The following FCER1G variants were observed in gnomAD, a reference collection of about 807,000 sequenced individuals.
The protein encoded by FCER1G is high affinity immunoglobulin epsilon receptor subunit gamma.
Under a neutral mutation model 17.3 loss-of-function variants are expected in FCER1G, and 7 were observed. The observed-to-expected ratio is 0.40, with a 90% CI of 0.23 to 0.76. The LOEUF (loss-of-function observed/expected upper bound fraction) is 0.76. Ranked by LOEUF, FCER1G falls within the 30% of genes least tolerant of loss-of-function variation. The pLI is 0.35. For synonymous variants in FCER1G, 35 were observed against 38.7 expected, an observed-to-expected ratio of 0.90 and a Z score of 0.35; for missense variants, 87 against 97.7, an observed-to-expected ratio of 0.89 and a Z score of 0.46.
intron 4 of FCER1G, 32 bp from the exon 5 acceptor site, chr1:161,218,849 G>C: frequency 6.2e-7 from 1 of 1,605,162 alleles, no homozygotes; most frequent in Non-Finnish European, 8.5e-7. Context: ...ATGGACTCCA[G>C]CTCCTGATCG....
intron 1 of FCER1G, among the ~76,000 whole-genome samples, chr1:161,217,460 G>T (rs1441012541): frequency 6.6e-6 from 1 of 150,878 alleles, no homozygotes; most frequent in African/African-American, 2.4e-5. Context: ...CTGAGGCTAG[G>T]AGATGACCAA....
rs1382843700 is a variant in FCER1G, at chr1:161,216,362, AC to A, written c.49+993del. 1.4e-3 allele frequency among the ~76,000 whole-genome samples: 195 copies of A among 138,696 alleles called. No individual in the cohort carries two copies. In the Middle Eastern group the frequency reaches 0.018, roughly 13 times the overall value. 91.0% of individuals were successfully genotyped at this position (138,696 alleles called of 152,430 possible). On this transcript the variant is annotated intron_variant, in intron 1 of 4. Coordinates refer to ENST00000289902, the MANE Select transcript of FCER1G (RefSeq NM_004106.2). ...TATATCTCTATCTATCTATCTATAT[AC>A]ACACACACACACATACACACACACA...
intron 1 of FCER1G, among the ~76,000 whole-genome samples, chr1:161,217,603 C>T (rs575667096): frequency 6.6e-6 from 1 of 152,208 alleles, no homozygotes; most frequent in African/African-American, 2.4e-5. Context: ...CTCTCCCTCC[C>T]ACTACCCATC....
chr1:161,218,161 G>A, intron 2 of FCER1G, 80 bp from the exon 3 acceptor site: 1 of 1,534,426 alleles, frequency 6.5e-7, no homozygotes, highest in African/African-American at 1.4e-5. Context: ...AGGAATAAAA[G>A]GGGATCCTCC....
chr1:161,218,683 T>G lies in FCER1G; in HGVS notation c.178-20T>G. On this transcript the variant is annotated intron_variant, in intron 3 of 4. Coordinates refer to ENST00000289902, the MANE Select transcript of FCER1G (RefSeq NM_004106.2). ...GAGAAAGTGTGGGTCTTTAATGTTT[T>G]GCTTCTTTTGTCTCTGCAGAAATCA... 1 of 1,614,056 alleles carries G rather than the reference T, an allele frequency of 6.2e-7. No homozygotes were observed. The highest frequency in any genetic ancestry group is 8.5e-7 in the Non-Finnish European group (1 of 1,179,948).
At chr1:161,215,730 C>T (rs1179174311) in intron 1 of FCER1G, among the ~76,000 whole-genome samples, 1 of 151,946 alleles carries the variant, frequency 6.6e-6, no homozygotes, top group Non-Finnish European at 1.5e-5. Flanking sequence ...GTAGCTGGGA[C>T]TACAGGTGCC....
rs543686283 is a variant in FCER1G at position 161,216,427 on chromosome 1, TAGAGAG to T, written c.49+1075_49+1080del. On this transcript the variant is annotated intron_variant, in intron 1 of 4. Transcript: ENST00000289902. Reference sequence around the variant, plus strand: ...ACACACACACATATATATATATATATAGAGAGAGAGAGAGAGAGAGAGATAACCCTT... The same window carrying T: ...ACACACACACATATATATATATATATAGAGAGAGAGAGAGAGATAACCCTT... Among the ~76,000 whole-genome samples the T allele has an allele frequency of 7.0e-4, 95 of 136,140 alleles. No individual in the cohort carries two copies. In the East Asian group the frequency reaches 0.016, roughly 22 times the overall value. The allele number at this position is 136,140 out of a possible 152,430, so 89.3% of individuals were successfully genotyped here.
chr1:161,215,400 G>C (rs1666012060), intron 1 of FCER1G, 30 bp downstream of exon 1: 1 of 1,605,888 alleles, frequency 6.2e-7, no homozygotes, highest in African/African-American at 1.3e-5. Flanking sequence ...GATAGCGTGA[G>C]CTGGCTCCAG....
chr1:161,218,309 T>C (rs1185580449), intron 3 of FCER1G, 33 bp downstream of exon 3: 1 of 1,592,078 alleles, frequency 6.3e-7, no homozygotes, highest in South Asian at 1.1e-5. Flanking sequence ...TGTGGACAAC[T>C]TTTCAGACCC....
Position 161,217,903 on chromosome 1 carries a change from C to G in FCER1G, c.50-83C>G, listed in dbSNP as rs545951957. Reference sequence around the variant, plus strand: ...CTCCCCTCCAGGCCCTGTCCTACCTCCCAGAGCCCCTTCCCTTCTCTCCTC... The same window carrying G: ...CTCCCCTCCAGGCCCTGTCCTACCTGCCAGAGCCCCTTCCCTTCTCTCCTC... On this transcript the variant is annotated intron_variant, in intron 1 of 4. Coordinates refer to ENST00000289902, the MANE Select transcript of FCER1G (RefSeq NM_004106.2). The G allele has an allele frequency of 8.4e-6, 8 of 947,792 alleles. No individual in the cohort carries two copies. In the Admixed American group the frequency reaches 8.6e-5, roughly 10 times the overall value. The allele number at this position is 947,792 out of a possible 1,614,324, so 58.7% of individuals were successfully genotyped here. A position where few individuals can be genotyped will look rare whatever the true frequency, so the allele number is the denominator to read the frequency against.
At chr1:161,217,385 C>CA (rs1666072880) in intron 1 of FCER1G, among the ~76,000 whole-genome samples, 1 of 121,390 alleles carries the variant, frequency 8.2e-6, no homozygotes, top group East Asian at 2.5e-4. Context: ...AACAGACACA[C>CA]TTTTTTTTTT....
chr1:161,217,197 T>A (rs766590927), intron 1 of FCER1G, among the ~76,000 whole-genome samples: 9 of 152,028 alleles, frequency 5.9e-5, no homozygotes, highest in Non-Finnish European at 1.3e-4. Context: ...TGATACGGGG[T>A]GAGAGCAGTC....
chr1:161,215,428 T>G (rs1222042103), intron 1 of FCER1G, 58 bp downstream of exon 1: 2 of 1,509,364 alleles, frequency 1.3e-6, no homozygotes, highest in Non-Finnish European at 9.2e-7. Context: ...GTCCAGAGCT[T>G]GGGTCTGAGG....
chr1:161,216,407 CACACAT>C (rs1315945731), intron 1 of FCER1G, among the ~76,000 whole-genome samples: 46 of 142,788 alleles, frequency 3.2e-4, no homozygotes, highest in African/African-American at 1.0e-3. Context: ...CACACACACA[CACACAT>C]ATATATATAT....
intron 4 of FCER1G, 71 bp from the exon 5 acceptor site, chr1:161,218,810 G>T (rs1666104465): frequency 6.3e-7 from 1 of 1,580,438 alleles, no homozygotes; most frequent in African/African-American, 1.3e-5. Context: ...GGGGGGAGGG[G>T]GGTCCTGTGG....
intron 1 of FCER1G, among the ~76,000 whole-genome samples, chr1:161,215,843 C>T (rs1016379674): frequency 7.2e-5 from 11 of 152,014 alleles, no homozygotes; most frequent in African/African-American, 1.5e-4. Flanking sequence ...CCACCCACCT[C>T]GACCTCCCAA....
chr1:161,217,517 T>G (rs145302709), intron 1 of FCER1G, among the ~76,000 whole-genome samples: 10 of 152,012 alleles, frequency 6.6e-5, no homozygotes, highest in Non-Finnish European at 1.5e-4. Flanking sequence ...ACATCCTTCC[T>G]GTCCAGCCCT....
chr1:161,218,390 C>G (rs1426254186), intron 3 of FCER1G, 114 bp downstream of exon 3: 2 of 882,642 alleles, frequency 2.3e-6, no homozygotes, highest in African/African-American at 3.3e-5. Flanking sequence ...TGCTGATCTG[C>G]ATACACCTCA....
Position 161,216,421 on chromosome 1 carries a change from T to TAG in FCER1G, c.49+1052_49+1053insGA, listed in dbSNP as rs1218274622. Among the ~76,000 whole-genome samples the TAG allele has an allele frequency of 4.4e-3, 620 of 141,958 alleles. 5 individuals carry two copies. The highest frequency in any genetic ancestry group is 0.012 in the African/African-American group (464 of 38,212). The allele number at this position is 141,958 out of a possible 152,430, so 93.1% of individuals were successfully genotyped here. A position where few individuals can be genotyped will look rare whatever the true frequency, so the allele number is the denominator to read the frequency against. ...ACACACACACACACACATATATATA[T>TAG]ATATATAGAGAGAGAGAGAGAGAGA... On this transcript the variant is annotated intron_variant, in intron 1 of 4. Transcript: ENST00000289902.
Sources: allele counts gnomAD v4.1 joint callset (sites outside exome capture counted in the v4.1 genomes callset), GRCh38; gene constraint gnomAD v4.1.1; transcripts MANE v1.5; gene names NCBI Gene and HGNC (gene_info 2026-07-23, HGNC 2026-07-21).